PTPRN2: variants seen among roughly 807,000 people sequenced by gnomAD.
PTPRN2 encodes the protein receptor-type tyrosine-protein phosphatase N2.
In PTPRN2, 74 loss-of-function variants were observed where a neutral mutation model predicts 118.8. The ratio of observed to expected loss-of-function variants is 0.62; its 90% confidence interval spans 0.52 to 0.76. The LOEUF is 0.76. Among genes scored for constraint, PTPRN2 ranks in the 30% least tolerant of loss-of-function variants. The probability of loss-of-function intolerance (pLI) is 0.00; values close to 1 mark genes in which losing one functional copy is unlikely to be tolerated. For synonymous variants in PTPRN2, 641 were observed against 608.0 expected (o/e 1.05, Z -0.80); for missense variants, 1,481 against 1,394.4 (o/e 1.06, Z -0.99).
At chr7:158,266,147 C>T (rs76960523) in intron 3 of PTPRN2, among the ~76,000 whole-genome samples, 9,149 of 18,832 alleles carry the variant, frequency 0.49, 57 homozygotes, top group Middle Eastern at 0.5. Context: ...CTGGGGACGG[C>T]GTCTGCTGCG....
intron 5 of PTPRN2, 36 bp from the exon 6 acceptor site, chr7:158,167,327 CA>C: frequency 6.5e-7 from 1 of 1,540,564 alleles, no homozygotes; most frequent in Non-Finnish European, 8.8e-7. Flanking sequence ...GCAAGAGTCA[CA>C]TTTCCATCGT....
rs1480345028 is a variant in PTPRN2 at position 158,336,703 on chromosome 7, C to G, written c.164-19771G>C. On this transcript the variant is annotated intron_variant, in intron 2 of 22. Coordinates refer to ENST00000389418, the MANE Select transcript of PTPRN2 (RefSeq NM_002847.5). ...AGAGCTGACGCCCGCAGACGTCACT[C>G]ACACCCACACTCTCACCAAAAGAGC... Among the ~76,000 whole-genome samples, 7 of 128,210 alleles carry G rather than the reference C, an allele frequency of 5.5e-5. No homozygotes were observed. In the South Asian group the frequency reaches 1.6e-3, roughly 29 times the overall value. 84.1% of individuals were successfully genotyped at this position (128,210 alleles called of 152,430 possible).
At chr7:158,482,697 C>T (rs1222003736) in intron 2 of PTPRN2, among the ~76,000 whole-genome samples, 2 of 152,134 alleles carry the variant, frequency 1.3e-5, no homozygotes, top group Non-Finnish European at 2.9e-5. Context: ...TGGAATTGAA[C>T]CCACAATATC....
intron 11 of PTPRN2, among the ~76,000 whole-genome samples, chr7:158,072,617 G>A (rs560485448): frequency 6.6e-6 from 1 of 152,280 alleles, no homozygotes; most frequent in South Asian, 2.1e-4. Context: ...AACCTCCCCT[G>A]CCTTCCAACC....
At chr7:157,573,833 G>A (rs1292184695) in intron 19 of PTPRN2, among the ~76,000 whole-genome samples, 1 of 152,174 alleles carries the variant, frequency 6.6e-6, no homozygotes, top group African/African-American at 2.4e-5. Flanking sequence ...GCCTTGGGAA[G>A]GTTTCGCTGT....
rs1805385063 is a variant in PTPRN2 at position 158,003,034 on chromosome 7, T to C, written c.1723+78264A>G. Among the ~76,000 whole-genome samples the C allele has an allele frequency of 6.6e-6, 1 of 152,166 alleles. No homozygotes were observed. Among genetic ancestry groups the C allele is most frequent in the Non-Finnish European group, 1.5e-5 (1 of 68,022 alleles). Reference sequence around the variant, plus strand: ...GAGAGGGCAGGAGATGTTTGGCTTCTGTCATGAGCTGACCTGTGTCCCCCA... The same window carrying C: ...GAGAGGGCAGGAGATGTTTGGCTTCCGTCATGAGCTGACCTGTGTCCCCCA... On this transcript the variant is annotated intron_variant, in intron 11 of 22. Coordinates refer to ENST00000389418, the MANE Select transcript of PTPRN2 (RefSeq NM_002847.5). This position sits in a 1 kb window ranked among gnomAD's most constrained non-coding sequence, Gnocchi z 5.0.
chr7:157,876,361 G>C (rs1045413396), intron 12 of PTPRN2, among the ~76,000 whole-genome samples: 20 of 152,322 alleles, frequency 1.3e-4, no homozygotes, highest in East Asian at 7.7e-4. Context: ...GAATTAACCA[G>C]CAGCGGCCCC....
rs1563393568 is a variant in PTPRN2, at chr7:158,523,761, CGTCTACCCTGGAGTGGA to C, written c.113-33993_113-33977del. On this transcript the variant is annotated intron_variant, in intron 1 of 22. Transcript: ENST00000389418. ...GGAGTCGTCTGCCCTGGAGTGGAGT[CGTCTACCCTGGAGTGGA>C]GTCTGCCCTGGAGTGGAGTCGTCTG... Among the ~76,000 whole-genome samples, 328 of 94,840 alleles carry C rather than the reference CGTCTACCCTGGAGTGGA, an allele frequency of 3.5e-3. 8 individuals are homozygous for C. Among genetic ancestry groups the C allele is most frequent in the East Asian group, 6.1e-3 (15 of 2,460 alleles). The allele number at this position is 94,840 out of a possible 152,430, so 62.2% of individuals were successfully genotyped here.
chr7:158,238,834 T>G (rs996260583), intron 3 of PTPRN2, among the ~76,000 whole-genome samples: 7 of 151,994 alleles, frequency 4.6e-5, no homozygotes, highest in Non-Finnish European at 7.4e-5. Context: ...CAAGGCCCCA[T>G]GAAGGGAGAC....
At chr7:157,860,769 T>A (rs911002547) in intron 12 of PTPRN2, among the ~76,000 whole-genome samples, 2 of 152,218 alleles carry the variant, frequency 1.3e-5, no homozygotes, top group Non-Finnish European at 2.9e-5. Flanking sequence ...CAAATACACA[T>A]AGTTAAAATG....
rs540850197 is a variant in PTPRN2 at position 158,003,392 on chromosome 7, A to C, written c.1723+77906T>G. ...TCGCGCCACTGCACTCCAACCTGGG[A>C]GACACAGCGAGACTCCGTCTCAAAA... On this transcript the variant is annotated intron_variant, in intron 11 of 22. Transcript: ENST00000389418. This position sits in a 1 kb window ranked among gnomAD's most constrained non-coding sequence, Gnocchi z 5.0. 3.0e-5 allele frequency among the ~76,000 whole-genome samples: 4 copies of C among 135,448 alleles called. No individual in the cohort carries two copies. The highest frequency in any genetic ancestry group is 1.1e-4 in the African/African-American group (4 of 35,290). 88.9% of individuals were successfully genotyped at this position (135,448 alleles called of 152,430 possible).
chr7:157,685,015 C>T (rs1158119176), intron 12 of PTPRN2, among the ~76,000 whole-genome samples: 2 of 151,852 alleles, frequency 1.3e-5, no homozygotes, highest in Admixed American at 1.3e-4. Context: ...GGGCCGCGTC[C>T]CCCGGAGCCA....
intron 6 of PTPRN2, among the ~76,000 whole-genome samples, chr7:158,155,523 T>TCAA (rs1563528865): frequency 2.2e-5 from 2 of 91,394 alleles, no homozygotes; most frequent in South Asian, 4.0e-4. Context: ...ATCATCACCA[T>TCAA]CACCATCAGC....
chr7:157,851,527 C>T (rs759797769), intron 12 of PTPRN2, among the ~76,000 whole-genome samples: 6 of 149,414 alleles, frequency 4.0e-5, no homozygotes, highest in East Asian at 1.9e-4. Flanking sequence ...CGTCCCTATC[C>T]GCTGTAAGAA....
At chr7:158,453,727 T>C (rs1818252590) in intron 2 of PTPRN2, among the ~76,000 whole-genome samples, 1 of 152,240 alleles carries the variant, frequency 6.6e-6, no homozygotes, top group African/African-American at 2.4e-5. Context: ...TGAGGAAAAT[T>C]GAAAGCCTCA....
At chr7:157,726,301 G>A (rs61462166) in intron 12 of PTPRN2, among the ~76,000 whole-genome samples, 3 of 133,498 alleles carry the variant, frequency 2.2e-5, no homozygotes, top group African/African-American at 5.8e-5. Context: ...CCAGACCCTC[G>A]CCTCCCAGGA....
intron 3 of PTPRN2, among the ~76,000 whole-genome samples, chr7:158,262,364 T>TCA (rs34479934): frequency 0.5 from 70,143 of 141,578 alleles, 17,267 homozygotes; most frequent in African/African-American, 0.66. Context: ...CTGCAAACAT[T>TCA]CACTGCACAC....
rs563277190 is a variant in PTPRN2, at chr7:157,974,430, T to C, written c.1724-75693A>G. On this transcript the variant is annotated intron_variant, in intron 11 of 22. Coordinates refer to ENST00000389418, the MANE Select transcript of PTPRN2 (RefSeq NM_002847.5). This position sits in a 1 kb window ranked among gnomAD's most constrained non-coding sequence, Gnocchi z 4.0. ...CCTTGGGAGCATGGGGCTGCCCTACTGTGGAGTTAGTGGGTCCACTTCGAG... is the reference window on the plus strand; with the variant it reads ...CCTTGGGAGCATGGGGCTGCCCTACCGTGGAGTTAGTGGGTCCACTTCGAG... 2.0e-5 allele frequency among the ~76,000 whole-genome samples: 3 copies of C among 152,296 alleles called. No individual in the cohort carries two copies. In the South Asian group the frequency reaches 6.2e-4, roughly 32 times the overall value.
intron 11 of PTPRN2, among the ~76,000 whole-genome samples, chr7:157,905,659 A>G (rs920755522): frequency 1.3e-5 from 2 of 152,242 alleles, no homozygotes; most frequent in Admixed American, 6.5e-5. Flanking sequence ...GCAGGCAGCT[A>G]CAGTGGAATA....
Sources: allele counts gnomAD v4.1 joint callset (sites outside exome capture counted in the v4.1 genomes callset), GRCh38; gene constraint gnomAD v4.1.1; non-coding constraint Gnocchi (gnomAD v3.1); transcripts MANE v1.5; gene names NCBI Gene and HGNC (gene_info 2026-07-23, HGNC 2026-07-21).